STK39: variants seen among roughly 807,000 people sequenced by gnomAD.
The protein encoded by STK39 is serine/threonine kinase 39.
In STK39, 20 loss-of-function variants were observed where a neutral mutation model predicts 77.8. The observed-to-expected ratio is 0.26, with a 90% CI of 0.18 to 0.37. The LOEUF is 0.37. STK39 is among the 10% of genes least tolerant of loss of function. STK39 has a pLI of 1.00. For synonymous variants in STK39, 246 were observed against 234.1 expected (o/e 1.05, Z -0.47); for missense variants, 479 against 656.5 (o/e 0.73, Z 2.95).
At chr2:168,205,849 A>G (rs576706736) in intron 1 of STK39, among the ~76,000 whole-genome samples, 2 of 152,150 alleles carry the variant, frequency 1.3e-5, no homozygotes, top group Non-Finnish European at 2.9e-5. Context: ...AAAGAAAATT[A>G]TATCAATTAT....
chr2:168,089,523 C>T (rs13012287), intron 10 of STK39, among the ~76,000 whole-genome samples: 65,656 of 152,124 alleles, frequency 0.43, 15,724 homozygotes, highest in East Asian at 0.55. Context: ...TCTAAAACCT[C>T]AACATGACAA....
intron 16 of STK39, among the ~76,000 whole-genome samples, chr2:167,983,719 A>T (rs1249700102): frequency 6.6e-6 from 1 of 152,146 alleles, no homozygotes; most frequent in Non-Finnish European, 1.5e-5. Flanking sequence ...CTGGGAATGC[A>T]GCACTCTCTG....
In STK39 at chr2:168,140,398, A is replaced by G; in HGVS notation, c.739-8T>C. 1.2e-6 allele frequency: 2 copies of G among 1,612,326 alleles called. No individual in the cohort carries two copies. Among genetic ancestry groups the G allele is most frequent in the African/African-American group, 1.3e-5 (1 of 75,024 alleles). On this transcript the variant is annotated splice_region_variant and splice_polypyrimidine_tract_variant and intron_variant, in intron 6 of 17. Transcript: ENST00000355999. ...GAAGTCATAGCCTCTCACCTAAGAAAGAAAGCAGGAAAAAAACACAATCAT... is the reference window on the plus strand; with the variant it reads ...GAAGTCATAGCCTCTCACCTAAGAAGGAAAGCAGGAAAAAAACACAATCAT...
intron 14 of STK39, among the ~76,000 whole-genome samples, chr2:168,050,727 G>T (rs1247688890): frequency 2.0e-5 from 3 of 152,312 alleles, no homozygotes; most frequent in Non-Finnish European, 4.4e-5. Flanking sequence ...ATTTTAGCCC[G>T]CTGAGACTCT....
chr2:168,085,421 T>A (rs1574452905), intron 10 of STK39, among the ~76,000 whole-genome samples: 1 of 152,354 alleles, frequency 6.6e-6, no homozygotes, highest in Non-Finnish European at 1.5e-5. Flanking sequence ...ACGTGTGTAT[T>A]CCTGCCGCAT....
At chr2:168,164,553 C>T (rs1382251192) in intron 3 of STK39, among the ~76,000 whole-genome samples, 4 of 152,090 alleles carry the variant, frequency 2.6e-5, no homozygotes, top group Non-Finnish European at 5.9e-5. Context: ...ACTACAAGTA[C>T]GTGCCACCAC....
At chr2:168,017,894 A>T (rs1301165304) in intron 14 of STK39, among the ~76,000 whole-genome samples, 1 of 152,204 alleles carries the variant, frequency 6.6e-6, no homozygotes, top group Non-Finnish European at 1.5e-5. Flanking sequence ...TCTAAATTTA[A>T]AAGTTTTATA....
At chr2:168,170,319 T>A (rs12616582) in intron 2 of STK39, among the ~76,000 whole-genome samples, 24,935 of 152,110 alleles carry the variant, frequency 0.16, 2,115 homozygotes, top group East Asian at 0.25. Flanking sequence ...CATATTTGTT[T>A]GTCCCTATCC....
intron 5 of STK39, among the ~76,000 whole-genome samples, chr2:168,160,807 CT>C (rs1291085248): frequency 2.0e-5 from 3 of 151,930 alleles, no homozygotes; most frequent in Admixed American, 1.3e-4. Context: ...AACTGAAGTA[CT>C]TTTTCAAACT....
At chr2:168,198,935 T>C (rs1186224308) in intron 1 of STK39, among the ~76,000 whole-genome samples, 3 of 152,242 alleles carry the variant, frequency 2.0e-5, no homozygotes, top group East Asian at 3.8e-4. Context: ...TCTAAAGGTG[T>C]CTTTCATTTA....
intron 2 of STK39, among the ~76,000 whole-genome samples, chr2:168,177,784 T>C (rs567189148): frequency 1.3e-5 from 2 of 152,216 alleles, no homozygotes; most frequent in South Asian, 4.1e-4. Flanking sequence ...AATATACTAG[T>C]TTGCAAGACA....
chr2:168,005,628 C>G (rs925729526), intron 16 of STK39, among the ~76,000 whole-genome samples: 4 of 152,130 alleles, frequency 2.6e-5, no homozygotes, highest in African/African-American at 9.7e-5. Flanking sequence ...ACAAGCGTTG[C>G]CCTAAAGATG....
At chr2:167,991,398 T>C (rs1683697229) in intron 16 of STK39, among the ~76,000 whole-genome samples, 1 of 151,488 alleles carries the variant, frequency 6.6e-6, no homozygotes. Context: ...AAGAGAAGAG[T>C]AAAGGCACAT....
At chr2:168,120,023 T>G (rs1263980246) in intron 10 of STK39, among the ~76,000 whole-genome samples, 1 of 152,212 alleles carries the variant, frequency 6.6e-6, no homozygotes, top group Non-Finnish European at 1.5e-5. Flanking sequence ...CATGGAAAAC[T>G]AGGAGATATT....
chr2:168,036,574 A>G (rs529290333), intron 14 of STK39, among the ~76,000 whole-genome samples: 2 of 152,232 alleles, frequency 1.3e-5, no homozygotes, highest in African/African-American at 4.8e-5. Flanking sequence ...CAATAGGTTC[A>G]GGAGTAGAGA....
chr2:168,082,727 T>C (rs1022123128), intron 10 of STK39, among the ~76,000 whole-genome samples: 1 of 152,218 alleles, frequency 6.6e-6, no homozygotes, highest in South Asian at 2.1e-4. Context: ...CTCCCTGACC[T>C]CATCTAAATT....
intron 14 of STK39, among the ~76,000 whole-genome samples, chr2:168,040,326 A>T (rs1401077158): frequency 6.6e-6 from 1 of 152,188 alleles, no homozygotes; most frequent in Admixed American, 6.5e-5. Context: ...GGTTCCAAGT[A>T]TTTCTTTTTA....
intron 10 of STK39, among the ~76,000 whole-genome samples, chr2:168,095,172 C>T (rs1293865556): frequency 6.6e-6 from 1 of 152,194 alleles, no homozygotes; most frequent in Non-Finnish European, 1.5e-5. Context: ...TCTACAGTTG[C>T]TTCTCTGCCT....
chr2:168,102,131 C>CT (rs35955276), intron 10 of STK39, among the ~76,000 whole-genome samples: 92,256 of 147,726 alleles, frequency 0.62, 30,463 homozygotes, highest in Non-Finnish European at 0.76. Flanking sequence ...TTCATGTACA[C>CT]TTTTTTTTTT....
Sources: gnomAD v4.1 joint callset for allele counts (sites outside exome capture counted in the v4.1 genomes callset) on GRCh38, gnomAD v4.1.1 for gene constraint, MANE v1.5 for transcripts, NCBI Gene and HGNC (gene_info 2026-07-23, HGNC 2026-07-21) for gene names.